The following SLC8A1 variants were observed in gnomAD, a reference collection of about 807,000 sequenced individuals.
The protein encoded by SLC8A1 is solute carrier family 8 member A1.
In SLC8A1, 18 loss-of-function variants were observed where a neutral mutation model predicts 68.3. The observed-to-expected ratio is 0.26, with a 90% CI of 0.18 to 0.39. The LOEUF (loss-of-function observed/expected upper bound fraction) is 0.39. Ranked by LOEUF, SLC8A1 falls within the 10% of genes least tolerant of loss-of-function variation. SLC8A1 has a pLI of 1.00. For synonymous variants in SLC8A1, 475 were observed against 415.5 expected (o/e 1.14, Z -1.74); for missense variants, 985 against 1,156.7 (o/e 0.85, Z 2.15).
chr2:40,204,732 T>G (rs898752145), intron 2 of SLC8A1, among the ~76,000 whole-genome samples: 1 of 152,026 alleles, frequency 6.6e-6, no homozygotes, highest in East Asian at 1.9e-4. Flanking sequence ...AATTTAATAA[T>G]AACTTTTATT....
At chr2:40,246,500 C>G (rs2148996429) in intron 2 of SLC8A1, among the ~76,000 whole-genome samples, 1 of 152,270 alleles carries the variant, frequency 6.6e-6, no homozygotes, top group East Asian at 1.9e-4. Context: ...TCAGCAGAAC[C>G]TTGGATAACA....
intron 2 of SLC8A1, among the ~76,000 whole-genome samples, chr2:40,413,021 C>T (rs6742589): frequency 0.31 from 47,243 of 151,904 alleles, 8,168 homozygotes; most frequent in East Asian, 0.66. Context: ...CATTTAGCAT[C>T]AGGTATATCA....
At chr2:40,276,178 G>C (rs780166994) in intron 2 of SLC8A1, among the ~76,000 whole-genome samples, 2 of 152,178 alleles carry the variant, frequency 1.3e-5, no homozygotes, top group Non-Finnish European at 2.9e-5. Flanking sequence ...GAGATCTAAT[G>C]ATCAGCTGCT....
exon 8 of SLC8A1, chr2:40,102,973 C>G (rs2033984218): frequency 6.6e-6 from 1 of 152,134 alleles, no homozygotes; most frequent in Admixed American, 6.6e-5. Context: ...GAAATATTAG[C>G]TATTTTAATT....
chr2:40,271,878 T>G (rs12620385), intron 2 of SLC8A1, among the ~76,000 whole-genome samples: 1 of 152,058 alleles, frequency 6.6e-6, no homozygotes, highest in Non-Finnish European at 1.5e-5. Context: ...TTATTTATTT[T>G]TTTTTAGAGT....
At chr2:40,250,525 G>GT (rs2062573018) in intron 2 of SLC8A1, 1 of 152,050 alleles carries the variant, frequency 6.6e-6, no homozygotes, top group Admixed American at 6.6e-5. Flanking sequence ...TGCAAGCGTG[G>GT]GGGGGCGGTG....
At position 40,441,719 on chromosome 2, in the gene SLC8A1, G is replaced by C. The variant is rs562667435; in HGVS notation, c.-25+10185C>G. On this transcript the variant is annotated intron_variant, in intron 1 of 7. Transcript: ENST00000406785. ...TGGGAAAGCAAGCTAGCCATATGCAGAAAACTGAAACTGGACCCCTTCCCT... is the reference window on the plus strand; with the variant it reads ...TGGGAAAGCAAGCTAGCCATATGCACAAAACTGAAACTGGACCCCTTCCCT... 1.8e-3 allele frequency among the ~76,000 whole-genome samples: 276 copies of C among 151,858 alleles called. 4 individuals are homozygous for C. The highest frequency in any genetic ancestry group is 0.015 in the Admixed American group (229 of 15,248).
intron 2 of SLC8A1, among the ~76,000 whole-genome samples, chr2:40,369,919 T>C (rs1464029933): frequency 6.6e-6 from 1 of 152,072 alleles, no homozygotes; most frequent in Admixed American, 6.6e-5. Flanking sequence ...AAGACATAAT[T>C]CAAAATTTAT....
At chr2:40,287,129 C>G (rs552266777) in intron 2 of SLC8A1, among the ~76,000 whole-genome samples, 9 of 152,052 alleles carry the variant, frequency 5.9e-5, no homozygotes, top group Non-Finnish European at 1.2e-4. Flanking sequence ...GCAGAGAACA[C>G]TAAAAAAATA....
chr2:40,220,208 C>T (rs1254570827), intron 2 of SLC8A1: 2 of 148,266 alleles, frequency 1.3e-5, no homozygotes, highest in African/African-American at 5.0e-5. Context: ...AGGAGAAAGA[C>T]AAGAGAGGAA....
Position 40,160,111 on chromosome 2 carries a change from C to T in SLC8A1, c.2161+654G>A, listed in dbSNP as rs901433408. Among the ~76,000 whole-genome samples the T allele has an allele frequency of 5.3e-5, 8 of 152,286 alleles. 1 individual carries two copies. The South Asian group carries it at 1.4e-3, about 28-fold the overall frequency. ...AGAGGGACTTTCCTGTATCGTTATA[C>T]AATCACACAAAGAGTGGACAGGGTT... On this transcript the variant is annotated intron_variant, in intron 6 of 7. Transcript: ENST00000406785.
At chr2:40,440,796 C>T (rs71439298) in intron 1 of SLC8A1, among the ~76,000 whole-genome samples, 7,425 of 152,166 alleles carry the variant, frequency 0.049, 350 homozygotes, top group East Asian at 0.25. Context: ...ATAAGAGCTA[C>T]TTATGGCAAG....
intron 2 of SLC8A1, among the ~76,000 whole-genome samples, chr2:40,262,094 C>T (rs1236383385): frequency 2.0e-5 from 3 of 151,956 alleles, no homozygotes; most frequent in Non-Finnish European, 4.4e-5. Flanking sequence ...TCCTTAGTAG[C>T]TGGGACTACA....
At chr2:40,420,844 ACT>A (rs202113473) in intron 2 of SLC8A1, among the ~76,000 whole-genome samples, 1,814 of 152,150 alleles carry the variant, frequency 0.012, 31 homozygotes, top group African/African-American at 0.042. Context: ...CCTGAATAAG[ACT>A]CTATGGGAAT....
chr2:40,254,724 C>CA (rs2063603724), intron 2 of SLC8A1: 1 of 152,192 alleles, frequency 6.6e-6, no homozygotes, highest in Non-Finnish European at 1.5e-5. Flanking sequence ...TCAGATCCAC[C>CA]AAACTGTCTC....
chr2:40,306,498 T>C (rs181337070), intron 2 of SLC8A1, among the ~76,000 whole-genome samples: 2 of 152,168 alleles, frequency 1.3e-5, no homozygotes, highest in African/African-American at 4.8e-5. Context: ...CTTTCAGACA[T>C]GTACTTGGTA....
exon 8 of SLC8A1, chr2:40,110,377 A>G (rs1403240590): frequency 1.3e-5 from 2 of 152,208 alleles, no homozygotes; most frequent in Non-Finnish European, 1.5e-5. Flanking sequence ...AGAAGTGGTG[A>G]GTACATAATG....
intron 7 of SLC8A1, among the ~76,000 whole-genome samples, chr2:40,134,110 G>C (rs1396457398): frequency 2.5e-5 from 3 of 118,178 alleles, no homozygotes; most frequent in Admixed American, 8.5e-5. Flanking sequence ...TTTTTTTTTT[G>C]AGATGGAATC....
chr2:40,278,682 ATGAGGCACAC>A (rs1478973987), intron 2 of SLC8A1, among the ~76,000 whole-genome samples: 1 of 152,094 alleles, frequency 6.6e-6, no homozygotes, highest in Non-Finnish European at 1.5e-5. Context: ...ATTTTCTCTT[ATGAGGCACAC>A]TGATGGGGTA....
Sources: allele counts gnomAD v4.1 joint callset (sites outside exome capture counted in the v4.1 genomes callset), GRCh38; gene constraint gnomAD v4.1.1; transcripts MANE v1.5; gene names NCBI Gene and HGNC (gene_info 2026-07-23, HGNC 2026-07-21).